The following GRIN2A variants were observed in gnomAD, a reference collection of about 807,000 sequenced individuals.
GRIN2A encodes glutamate ionotropic receptor NMDA type subunit 2A.
GRIN2A carries 22 observed loss-of-function variants against 113.4 expected under a neutral mutation model. The ratio of observed to expected loss-of-function variants is 0.19; its 90% CI spans 0.14 to 0.28. The LOEUF (loss-of-function observed/expected upper bound fraction) is 0.28, where lower values mean the gene tolerates loss of function less well. Among genes scored for constraint, GRIN2A ranks in the 10% least tolerant of loss-of-function variants. The probability of loss-of-function intolerance (pLI) is 1.00; values close to 1 mark genes in which losing one functional copy is unlikely to be tolerated. For missense variants in GRIN2A, 1,502 were observed against 1,887.0 expected, an observed-to-expected ratio of 0.80 and a Z score of 3.78; for synonymous variants, 827 against 738.4, an observed-to-expected ratio of 1.12 and a Z score of -1.94.
chr16:10,144,920 C>CAAAAAAA (rs58751267), intron 2 of GRIN2A, among the ~76,000 whole-genome samples: 10 of 59,382 alleles, frequency 1.7e-4, no homozygotes, highest in Admixed American at 5.6e-4. Context: ...GACCCTGTCT[C>CAAAAAAA]AAAAAAAAAA....
chr16:10,108,271 G>A (rs2048535605), intron 2 of GRIN2A, among the ~76,000 whole-genome samples: 1 of 152,218 alleles, frequency 6.6e-6, no homozygotes, highest in Admixed American at 6.5e-5. Flanking sequence ...GAGAGCTTGT[G>A]CAGGAGAATT....
At chr16:9,863,707 G>A (rs1277765520) in intron 4 of GRIN2A, among the ~76,000 whole-genome samples, 1 of 152,152 alleles carries the variant, frequency 6.6e-6, no homozygotes, top group African/African-American at 2.4e-5. Flanking sequence ...TGCCTCTGTG[G>A]TCATCTCCAT....
chr16:10,019,388 C>T (rs906728565), intron 2 of GRIN2A, among the ~76,000 whole-genome samples: 8 of 152,152 alleles, frequency 5.3e-5, no homozygotes, highest in East Asian at 1.9e-4. Flanking sequence ...GTCTGGCATA[C>T]AGCAGAGGCA....
chr16:9,899,468 T>C (rs920205916), intron 3 of GRIN2A, among the ~76,000 whole-genome samples: 10 of 67,368 alleles, frequency 1.5e-4, no homozygotes, highest in Admixed American at 3.0e-4. Context: ...AAAAAAAAAG[T>C]CAAGACAGAA....
chr16:9,946,530 C>T (rs571350377), intron 2 of GRIN2A, among the ~76,000 whole-genome samples: 2 of 152,228 alleles, frequency 1.3e-5, no homozygotes, highest in East Asian at 3.9e-4. Flanking sequence ...CCTGAGCCAC[C>T]TGGTGGATAT....
At chr16:10,066,145 G>A (rs559385972) in intron 2 of GRIN2A, among the ~76,000 whole-genome samples, 33 of 152,272 alleles carry the variant, frequency 2.2e-4, no homozygotes, top group Non-Finnish European at 4.3e-4. Context: ...CTTCATCACG[G>A]CAGAATTTCA....
At chr16:9,843,562 A>T (rs1300188478) in intron 5 of GRIN2A, among the ~76,000 whole-genome samples, 1 of 152,204 alleles carries the variant, frequency 6.6e-6, no homozygotes, top group East Asian at 1.9e-4. Flanking sequence ...GCTTTCCTTT[A>T]TCTCAGGATC....
At chr16:9,883,094 C>G (rs190153420) in intron 4 of GRIN2A, among the ~76,000 whole-genome samples, 2 of 152,286 alleles carry the variant, frequency 1.3e-5, no homozygotes, top group African/African-American at 2.4e-5. Flanking sequence ...GAGAGAAACT[C>G]TGGTTCTCTG....
intron 10 of GRIN2A, among the ~76,000 whole-genome samples, chr16:9,812,716 C>G (rs1178649579): frequency 1.3e-5 from 2 of 151,994 alleles, no homozygotes; most frequent in Non-Finnish European, 2.9e-5. Flanking sequence ...ATTTAAAAAA[C>G]AAAGAATTGC....
At chr16:10,098,058 C>G (rs2048326544) in intron 2 of GRIN2A, among the ~76,000 whole-genome samples, 1 of 152,050 alleles carries the variant, frequency 6.6e-6, no homozygotes, top group Non-Finnish European at 1.5e-5. Flanking sequence ...GGACTAATAT[C>G]TAGAATCTAC....
chr16:9,820,544 C>G (rs7196708), intron 10 of GRIN2A, among the ~76,000 whole-genome samples: 48,458 of 152,140 alleles, frequency 0.32, 8,651 homozygotes, highest in African/African-American at 0.48. Context: ...AAGATTAGGA[C>G]AGAGACATCC....
intron 2 of GRIN2A, among the ~76,000 whole-genome samples, chr16:10,170,260 C>T (rs1223322485): frequency 6.6e-6 from 1 of 152,304 alleles, no homozygotes; most frequent in East Asian, 1.9e-4. Flanking sequence ...GGAACAGAGG[C>T]AGCCACATTA....
intron 9 of GRIN2A, 53 bp downstream of exon 9, chr16:9,829,370 G>T: frequency 2.7e-6 from 3 of 1,119,434 alleles, no homozygotes; most frequent in East Asian, 2.4e-5. Flanking sequence ...CCTCCTGAAA[G>T]GAGAGCAGTT....
intron 2 of GRIN2A, among the ~76,000 whole-genome samples, chr16:10,123,607 G>A (rs540307775): frequency 5.3e-5 from 8 of 152,144 alleles, no homozygotes; most frequent in African/African-American, 1.7e-4. Context: ...CACGTGAATC[G>A]CCGAGGGATC....
At chr16:9,960,792 T>C (rs948463010) in intron 2 of GRIN2A, among the ~76,000 whole-genome samples, 1 of 152,112 alleles carries the variant, frequency 6.6e-6, no homozygotes, top group Non-Finnish European at 1.5e-5. Context: ...ACCTGGATAA[T>C]TTTTGTATTT....
chr16:10,114,204 A>C (rs1326573736), intron 2 of GRIN2A, among the ~76,000 whole-genome samples: 3 of 152,250 alleles, frequency 2.0e-5, no homozygotes, highest in African/African-American at 2.4e-5. Flanking sequence ...AGACACAAAA[A>C]TAGAAAATAA....
At chr16:10,028,993 G>A (rs552991774) in intron 2 of GRIN2A, among the ~76,000 whole-genome samples, 4 of 152,238 alleles carry the variant, frequency 2.6e-5, no homozygotes, top group Admixed American at 1.3e-4. Context: ...ATAGGAAAGG[G>A]GGAGTCCTCT....
chr16:9,865,883 T>A (rs2043152844), intron 4 of GRIN2A, among the ~76,000 whole-genome samples: 1 of 152,234 alleles, frequency 6.6e-6, no homozygotes, highest in Non-Finnish European at 1.5e-5. Flanking sequence ...GTGACACAAT[T>A]ATAAAATTAT....
intron 2 of GRIN2A, among the ~76,000 whole-genome samples, chr16:10,080,057 C>A (rs1193085349): frequency 6.6e-6 from 1 of 152,178 alleles, no homozygotes; most frequent in African/African-American, 2.4e-5. Context: ...CAAATTGATT[C>A]ATGTAAAGTA....
Sources: gnomAD v4.1 joint callset for allele counts (sites outside exome capture counted in the v4.1 genomes callset) on GRCh38, gnomAD v4.1.1 for gene constraint, MANE v1.5 for transcripts, NCBI Gene and HGNC (gene_info 2026-07-23, HGNC 2026-07-21) for gene names.